Variants in LIMCH1 observed in about 807,000 individuals in gnomAD.
LIMCH1 encodes LIM and calponin homology domains 1.
A neutral mutation model predicts 176.5 loss-of-function variants in LIMCH1; 113 were observed. That is an observed-to-expected ratio of 0.64 (90% CI 0.55 to 0.75). LIMCH1 has a LOEUF of 0.75. Ranked by LOEUF, LIMCH1 falls within the 30% of genes least tolerant of loss-of-function variation. LIMCH1 has a pLI of 0.00. For synonymous variants in LIMCH1, 619 were observed against 645.9 expected (o/e 0.96, Z 0.63); for missense variants, 1,674 against 1,814.9 (o/e 0.92, Z 1.41).
chr4:41,643,437 C>T (rs912024497), intron 14 of LIMCH1, among the ~76,000 whole-genome samples: 1 of 152,128 alleles, frequency 6.6e-6, no homozygotes, highest in Admixed American at 6.5e-5. Context: ...GGCTCCATAG[C>T]CCACTTGTCC....
Position 41,682,406 on chromosome 4 carries a change from A to G in LIMCH1, c.3791A>G (p.Asp1264Gly). 1 of 1,613,444 alleles carries G rather than the reference A, an allele frequency of 6.2e-7. No individual in the cohort carries two copies. Among genetic ancestry groups the G allele is most frequent in the East Asian group, 2.2e-5 (1 of 44,844 alleles). The change falls in exon 26 of 32, where the codon GAC becomes GGC. Residue 1264 changes from aspartate (D) to glycine (G), a missense_variant. This residue lies in a region of LIMCH1 where 1,015 missense variants were observed against 1,102.5 expected (regional missense o/e 0.92). Coordinates refer to ENST00000503057, the MANE Select transcript of LIMCH1 (RefSeq NM_001330672.2). ...RRWKKSFQGDDSDLLLKTRES... is the reference protein window; with the variant it reads ...RRWKKSFQGDGSDLLLKTRES... ...TGGAAGAAATCATTCCAGGGAGATG[A>G]CAGTGACTTATTGCTGAAGACTAGG...
At chr4:41,578,587 G>T (rs2084880850) in intron 1 of LIMCH1, among the ~76,000 whole-genome samples, 2 of 151,998 alleles carry the variant, frequency 1.3e-5, no homozygotes, top group Non-Finnish European at 2.9e-5. Flanking sequence ...CAATTTGATG[G>T]GTAAAACTCT....
chr4:41,640,466 T>C (rs1222806843), intron 14 of LIMCH1, among the ~76,000 whole-genome samples: 1 of 152,220 alleles, frequency 6.6e-6, no homozygotes, highest in Admixed American at 6.5e-5. Context: ...GAAAAGTTAA[T>C]GATTTCTTAA....
intron 1 of LIMCH1, among the ~76,000 whole-genome samples, chr4:41,380,124 C>T (rs926010605): frequency 6.6e-6 from 1 of 151,894 alleles, no homozygotes; most frequent in African/African-American, 2.4e-5. Flanking sequence ...ATTTTAAACA[C>T]CACCACTACC....
chr4:41,385,105 G>T (rs2056311217), intron 1 of LIMCH1, among the ~76,000 whole-genome samples: 1 of 152,194 alleles, frequency 6.6e-6, no homozygotes, highest in Non-Finnish European at 1.5e-5. Flanking sequence ...ACATTCAGTT[G>T]TACTCTGAAC....
chr4:41,392,867 CA>C (rs1301504695), intron 1 of LIMCH1, among the ~76,000 whole-genome samples: 1 of 151,800 alleles, frequency 6.6e-6, no homozygotes, highest in Non-Finnish European at 1.5e-5. Flanking sequence ...CCCGTCTCTA[CA>C]AAAAAATACA....
intron 1 of LIMCH1, among the ~76,000 whole-genome samples, chr4:41,378,083 T>G (rs2055037897): frequency 1.3e-5 from 2 of 151,992 alleles, no homozygotes; most frequent in African/African-American, 4.8e-5. Flanking sequence ...TGAGGAGAGG[T>G]GACAGCAATG....
intron 29 of LIMCH1, among the ~76,000 whole-genome samples, chr4:41,688,209 G>A (rs910595375): frequency 1.3e-5 from 2 of 152,188 alleles, no homozygotes; most frequent in Non-Finnish European, 2.9e-5. Flanking sequence ...CCAGACAACC[G>A]CTGGGCTCCA....
intron 7 of LIMCH1, among the ~76,000 whole-genome samples, chr4:41,624,285 AG>A (rs750718720): frequency 6.6e-6 from 1 of 152,046 alleles, no homozygotes; most frequent in Admixed American, 6.5e-5. Context: ...TTAATTACAG[AG>A]GGGAAAACAA....
At chr4:41,535,679 G>A (rs7694739), upstream of LIMCH1, among the ~76,000 whole-genome samples, 1 of 152,152 alleles carries the variant, frequency 6.6e-6, no homozygotes, top group African/African-American at 2.4e-5. Context: ...AATTTAGCTC[G>A]TAACAGTGGG....
chr4:41,438,537 C>A (rs553426392), intron 1 of LIMCH1, among the ~76,000 whole-genome samples: 21 of 152,174 alleles, frequency 1.4e-4, no homozygotes, highest in Admixed American at 1.2e-3. Context: ...CAGGGTTTCA[C>A]TGTGTTGGCC....
At chr4:41,580,936 A>C (rs1180328458) in intron 1 of LIMCH1, among the ~76,000 whole-genome samples, 1 of 152,170 alleles carries the variant, frequency 6.6e-6, no homozygotes, top group African/African-American at 2.4e-5. Flanking sequence ...TTTCAGCAAA[A>C]TATAAATGAT....
At chr4:41,380,986 T>G (rs2055577027) in intron 1 of LIMCH1, among the ~76,000 whole-genome samples, 2 of 152,228 alleles carry the variant, frequency 1.3e-5, no homozygotes, top group South Asian at 4.1e-4. Flanking sequence ...TTCCTGAGTG[T>G]AAAGTCATAT....
chr4:41,553,938 C>A (rs537093247), intron 1 of LIMCH1, among the ~76,000 whole-genome samples: 10 of 152,164 alleles, frequency 6.6e-5, no homozygotes, highest in Admixed American at 4.6e-4. Context: ...TAAGTGAATT[C>A]TCAAGCTCAG....
At chr4:41,614,163 G>A (rs2091798086) in intron 5 of LIMCH1, among the ~76,000 whole-genome samples, 1 of 152,344 alleles carries the variant, frequency 6.6e-6, no homozygotes, top group African/African-American at 2.4e-5. Flanking sequence ...TTTGATGCTT[G>A]TGATACCTGA....
chr4:41,547,895 A>ATATG (rs2079804060), intron 1 of LIMCH1, among the ~76,000 whole-genome samples: 1 of 143,472 alleles, frequency 7.0e-6, no homozygotes, highest in South Asian at 2.2e-4. Flanking sequence ...ATATATATAT[A>ATATG]TAAACAGTGA....
chr4:41,449,184 A>G (rs190581101), intron 1 of LIMCH1, among the ~76,000 whole-genome samples: 1 of 150,356 alleles, frequency 6.7e-6, no homozygotes, highest in Non-Finnish European at 1.5e-5. Context: ...CTTCCAACCC[A>G]CTCCTTGCTC....
rs1167949340 is a variant in LIMCH1 at position 41,619,304 on chromosome 4, A to C, written c.322A>C (p.Asn108His). 3.1e-6 allele frequency: 5 copies of C among 1,614,174 alleles called. No homozygotes were observed. The highest frequency in any genetic ancestry group is 2.5e-6 in the Non-Finnish European group (3 of 1,180,032). ...HGEPKSAVPF[N>H]QYLPNKSNQT... ...TGAGCCGAAATCAGCAGTGCCTTTT[A>C]ACCAGTACCTCCCGAACAAAAGCAA... Residue 108 changes from asparagine to histidine, a missense_variant, in exon 6 of 32, where the codon AAC (asparagine) becomes CAC (histidine). Physicochemically the swap from Asn to His is moderately conservative, Grantham distance 68. Transcript: ENST00000503057.
chr4:41,428,495 T>C (rs1374049840), intron 1 of LIMCH1, among the ~76,000 whole-genome samples: 2 of 152,190 alleles, frequency 1.3e-5, no homozygotes, highest in Non-Finnish European at 2.9e-5. Context: ...GAAGAGCTGA[T>C]AGGGAGTGGC....
Sources: gnomAD v4.1 joint callset for allele counts (sites outside exome capture counted in the v4.1 genomes callset) on GRCh38, gnomAD v4.1.1 for gene constraint, gnomAD v4.1.1 regional missense constraint, MANE v1.5 for transcripts, NCBI Gene and HGNC (gene_info 2026-07-23, HGNC 2026-07-21) for gene names.